Variants in NCKAP5 observed in about 807,000 individuals in gnomAD.
NCKAP5 encodes the protein NCK associated protein 5.
In NCKAP5, 92 loss-of-function variants were observed where a neutral mutation model predicts 167.0. That is an observed-to-expected ratio of 0.55 (90% confidence interval 0.47 to 0.66). The LOEUF (loss-of-function observed/expected upper bound fraction) is 0.66. Among genes scored for constraint, NCKAP5 ranks in the 30% least tolerant of loss-of-function variants. The pLI, the probability that NCKAP5 is intolerant of heterozygous loss-of-function variation, is 0.00. For synonymous variants in NCKAP5, 891 were observed against 877.4 expected, an observed-to-expected ratio of 1.02 and a Z score of -0.27; for missense variants, 2,378 against 2,315.0, an observed-to-expected ratio of 1.03 and a Z score of -0.56.
At chr2:132,866,950 C>G (rs1261190371) in intron 10 of NCKAP5, among the ~76,000 whole-genome samples, 2 of 152,160 alleles carry the variant, frequency 1.3e-5, no homozygotes, top group Non-Finnish European at 2.9e-5. Context: ...GCACACATTT[C>G]TGCAGAACAT....
At chr2:133,117,360 G>A (rs1380636276) in intron 6 of NCKAP5, 1 of 152,166 alleles carries the variant, frequency 6.6e-6, no homozygotes, top group Non-Finnish European at 1.5e-5. Context: ...CTCATGCTCT[G>A]AGACTTAGTC....
chr2:132,962,871 G>A (rs571745854), intron 8 of NCKAP5, among the ~76,000 whole-genome samples: 96 of 152,256 alleles, frequency 6.3e-4, no homozygotes, highest in African/African-American at 2.0e-3. Context: ...GATTACAGGC[G>A]TGAGCCACCG....
At chr2:133,538,426 G>T (rs1161423911) in intron 2 of NCKAP5, among the ~76,000 whole-genome samples, 1 of 152,024 alleles carries the variant, frequency 6.6e-6, no homozygotes, top group Non-Finnish European at 1.5e-5. Flanking sequence ...TTATTCTAAA[G>T]CCAAGCCATG....
chr2:133,422,741 C>A (rs989621684), intron 3 of NCKAP5, among the ~76,000 whole-genome samples: 29 of 152,170 alleles, frequency 1.9e-4, no homozygotes, highest in Non-Finnish European at 4.0e-4. Flanking sequence ...TGCAGAACCA[C>A]TTGGCATCAC....
chr2:133,669,736 C>G, the NCKAP5 span, among the ~76,000 whole-genome samples: 1 of 152,136 alleles, frequency 6.6e-6, no homozygotes, highest in Admixed American at 6.5e-5. Context: ...GAGAAATATT[C>G]TATTATCTAA....
At chr2:133,199,204 C>T (rs151090352) in intron 5 of NCKAP5, among the ~76,000 whole-genome samples, 13 of 151,816 alleles carry the variant, frequency 8.6e-5, no homozygotes, top group South Asian at 2.1e-4. Flanking sequence ...GGTAGGCAAA[C>T]GTTCCTAGAA....
intron 11 of NCKAP5, among the ~76,000 whole-genome samples, chr2:132,808,947 A>G (rs1267058333): frequency 6.6e-6 from 1 of 152,084 alleles, no homozygotes; most frequent in African/African-American, 2.4e-5. Flanking sequence ...GCTGTATCCC[A>G]GAGGTTTTGA....
the NCKAP5 span, among the ~76,000 whole-genome samples, chr2:133,674,184 G>C: frequency 6.6e-6 from 1 of 151,716 alleles, no homozygotes; most frequent in Non-Finnish European, 1.5e-5. Flanking sequence ...TTTTGACTTT[G>C]CTTTAGTAAA....
At chr2:133,385,204 A>C (rs1407177384) in intron 3 of NCKAP5, among the ~76,000 whole-genome samples, 1 of 152,168 alleles carries the variant, frequency 6.6e-6, no homozygotes, top group African/African-American at 2.4e-5. Flanking sequence ...AGCTCTTATT[A>C]TTTTGAGATA....
intron 4 of NCKAP5, among the ~76,000 whole-genome samples, chr2:133,265,478 T>C (rs1471580405): frequency 6.6e-6 from 1 of 152,178 alleles, no homozygotes; most frequent in African/African-American, 2.4e-5. Flanking sequence ...GAGAGGGCCT[T>C]GCACCAGCGC....
At chr2:133,052,235 T>A (rs2079629348) in intron 6 of NCKAP5, among the ~76,000 whole-genome samples, 1 of 152,154 alleles carries the variant, frequency 6.6e-6, no homozygotes, top group Non-Finnish European at 1.5e-5. Context: ...AGTAGCCAAA[T>A]TAGGAAACCA....
At chr2:133,228,585 T>G (rs1297730427) in intron 4 of NCKAP5, among the ~76,000 whole-genome samples, 1 of 152,184 alleles carries the variant, frequency 6.6e-6, no homozygotes, top group Non-Finnish European at 1.5e-5. Context: ...CATCAGCACG[T>G]TTTATACTGT....
At chr2:132,857,596 T>A (rs888330769) in intron 11 of NCKAP5, among the ~76,000 whole-genome samples, 17 of 152,212 alleles carry the variant, frequency 1.1e-4, no homozygotes, top group South Asian at 2.1e-4. Flanking sequence ...GATTCCAGTC[T>A]CTGTAAGAAC....
At chr2:133,462,537 A>C (rs1432274553) in intron 3 of NCKAP5, among the ~76,000 whole-genome samples, 1 of 152,184 alleles carries the variant, frequency 6.6e-6, no homozygotes, top group Non-Finnish European at 1.5e-5. Flanking sequence ...GGAAGTTCCA[A>C]ATATACTTTT....
chr2:133,095,884 A>G (rs2149658770), intron 6 of NCKAP5, among the ~76,000 whole-genome samples: 1 of 152,242 alleles, frequency 6.6e-6, no homozygotes, highest in South Asian at 2.1e-4. Flanking sequence ...AATATCAGCA[A>G]TCTTACAAAC....
At chr2:133,297,166 AGTGTGTGTGTGTGTGTGTGT>A (rs60321858) in intron 4 of NCKAP5, among the ~76,000 whole-genome samples, 77 of 142,174 alleles carry the variant, frequency 5.4e-4, no homozygotes, top group Admixed American at 1.9e-3. Context: ...AGGTTGTCAC[AGTGTGTGTGTGTGTGTGTGT>A]GTGTGTGTGT....
chr2:133,358,849 T>A (rs1002362762), intron 3 of NCKAP5, among the ~76,000 whole-genome samples: 1 of 152,196 alleles, frequency 6.6e-6, no homozygotes, highest in African/African-American at 2.4e-5. Flanking sequence ...ATTCAAGAAT[T>A]AGTTAGCTTC....
chr2:133,416,435 C>T (rs1301398851), intron 3 of NCKAP5, among the ~76,000 whole-genome samples: 1 of 152,086 alleles, frequency 6.6e-6, no homozygotes, highest in Non-Finnish European at 1.5e-5. Context: ...ATTCAGAAAA[C>T]TACCTTCATG....
intron 3 of NCKAP5, among the ~76,000 whole-genome samples, chr2:133,319,448 C>T (rs967087946): frequency 1.3e-5 from 2 of 151,914 alleles, no homozygotes; most frequent in East Asian, 1.9e-4. Context: ...CAGGTGCACC[C>T]GGGATGTTAC....
Sources: gnomAD v4.1 joint callset for allele counts (sites outside exome capture counted in the v4.1 genomes callset) on GRCh38, gnomAD v4.1.1 for gene constraint, MANE v1.5 for transcripts, NCBI Gene and HGNC (gene_info 2026-07-23, HGNC 2026-07-21) for gene names.